Variants in CACNA1D observed in about 807,000 individuals in gnomAD.
CACNA1D encodes voltage-dependent L-type calcium channel subunit alpha-1D.
In CACNA1D, 55 loss-of-function variants were observed where a neutral mutation model predicts 257.1. The ratio of observed to expected loss-of-function variants is 0.21; its 90% CI spans 0.17 to 0.27. The LOEUF is 0.27. Ranked by LOEUF, CACNA1D falls within the 10% of genes least tolerant of loss-of-function variation. The pLI, the probability that CACNA1D is intolerant of heterozygous loss-of-function variation, is 1.00. For synonymous variants in CACNA1D, 980 were observed against 1,014.9 expected, an observed-to-expected ratio of 0.97 and a Z score of 0.65; for missense variants, 1,876 against 2,784.0, an observed-to-expected ratio of 0.67 and a Z score of 7.34.
At chr3:53,707,165 G>A (rs2094698896) in intron 9 of CACNA1D, among the ~76,000 whole-genome samples, 2 of 151,936 alleles carry the variant, frequency 1.3e-5, no homozygotes, top group South Asian at 4.2e-4. Context: ...TCTCTGATCT[G>A]CTAAATGTCA....
At chr3:53,692,460 A>T (rs2094537288) in intron 8 of CACNA1D, among the ~76,000 whole-genome samples, 1 of 152,144 alleles carries the variant, frequency 6.6e-6, no homozygotes, top group Non-Finnish European at 1.5e-5. Flanking sequence ...GGATGTCTAG[A>T]GTACACAGTT....
chr3:53,668,309 C>T (rs181982104), intron 7 of CACNA1D, among the ~76,000 whole-genome samples: 7 of 152,246 alleles, frequency 4.6e-5, no homozygotes, highest in Non-Finnish European at 8.8e-5. Context: ...TGTTGCCAAG[C>T]AAGTGTAAAA....
At chr3:53,624,948 A>G (rs1178440695) in intron 3 of CACNA1D, among the ~76,000 whole-genome samples, 1 of 152,190 alleles carries the variant, frequency 6.6e-6, no homozygotes, top group East Asian at 1.9e-4. Context: ...AGGCTGATTA[A>G]TTGCCACATT....
At position 53,574,760 on chromosome 3, in the gene CACNA1D, A is replaced by G. The variant is rs992151193; in HGVS notation, c.483+73040A>G. On this transcript the variant is annotated intron_variant, in intron 3 of 47. Coordinates refer to ENST00000350061, the MANE Select transcript of CACNA1D (RefSeq NM_001128840.3). ...GTGTTCTCACTCATATGCACTAATTACACACACACACCCAACCTGCAGGTT... is the reference window on the plus strand; with the variant it reads ...GTGTTCTCACTCATATGCACTAATTGCACACACACACCCAACCTGCAGGTT... 5.3e-5 allele frequency among the ~76,000 whole-genome samples: 8 copies of G among 151,502 alleles called. No individual in the cohort carries two copies. In the East Asian group the frequency reaches 1.6e-3, roughly 29 times the overall value.
chr3:53,642,416 G>A (rs1437237061), intron 3 of CACNA1D, among the ~76,000 whole-genome samples: 4 of 152,204 alleles, frequency 2.6e-5, no homozygotes, highest in Non-Finnish European at 5.9e-5. Flanking sequence ...CAATAACCTT[G>A]GCTGCATGCC....
At position 53,801,378 on chromosome 3, in the gene CACNA1D, T is replaced by C. The variant is rs2095534998; in HGVS notation, c.5361T>C (p.Ser1787=). The C allele has an allele frequency of 2.5e-6, 4 of 1,614,204 alleles. No homozygotes were observed. Among genetic ancestry groups the C allele is most frequent in the Non-Finnish European group, 3.4e-6 (4 of 1,180,042 alleles). ...ATGTGTCTGAAAATGGGCATCATTC[T>C]TCCCACAAGCATGACCGGGAGCCTC... ...LEHVSENGHH[S]SHKHDREPQR... Residue 1787 remains serine, a synonymous_variant, in exon 42 of 48, where the codon TCT becomes TCC. Transcript: ENST00000350061.
At chr3:53,505,138 A>AGGCTCTGT (rs951088382) in intron 3 of CACNA1D, among the ~76,000 whole-genome samples, 1 of 41,168 alleles carries the variant, frequency 2.4e-5, no homozygotes, top group Admixed American at 2.9e-4. Flanking sequence ...TTTTTTTTTG[A>AGGCTCTGT]GGCTCTGTTG....
intron 3 of CACNA1D, among the ~76,000 whole-genome samples, chr3:53,525,372 T>C (rs1391347914): frequency 6.6e-6 from 1 of 152,210 alleles, no homozygotes; most frequent in Non-Finnish European, 1.5e-5. Context: ...TATTAAGTGT[T>C]ACCTCCATTT....
At chr3:53,809,821 ATTC>A in intron 46 of CACNA1D, 154 bp from the exon 47 acceptor site, 1 of 715,262 alleles carries the variant, frequency 1.4e-6, no homozygotes, top group South Asian at 1.5e-5. Flanking sequence ...ATCACCGCCC[ATTC>A]ATTCAGCGTA....
intron 8 of CACNA1D, among the ~76,000 whole-genome samples, chr3:53,678,450 C>A (rs2094397046): frequency 2.0e-5 from 3 of 152,174 alleles, no homozygotes; most frequent in Admixed American, 2.0e-4. Flanking sequence ...AGTTCCAGAT[C>A]CTACCAGATC....
chr3:53,636,627 A>G (rs1273549272), intron 3 of CACNA1D, among the ~76,000 whole-genome samples: 2 of 152,212 alleles, frequency 1.3e-5, no homozygotes, highest in Admixed American at 1.3e-4. Context: ...ATACTCTTAT[A>G]TTCTGATATT....
intron 27 of CACNA1D, 52 bp downstream of exon 27, chr3:53,749,521 C>A: frequency 7.8e-7 from 1 of 1,289,714 alleles, no homozygotes; most frequent in Non-Finnish European, 1.1e-6. Flanking sequence ...GAGCGGAGTG[C>A]CTTCTTTATT....
intron 3 of CACNA1D, among the ~76,000 whole-genome samples, chr3:53,621,651 A>G (rs72970777): frequency 0.019 from 2,951 of 152,378 alleles, 98 homozygotes; most frequent in African/African-American, 0.067. Flanking sequence ...ACTTGTGTTC[A>G]TCAAAAGATG....
chr3:53,586,319 T>TGTGTGTGTGC (rs1491378698), intron 3 of CACNA1D, among the ~76,000 whole-genome samples: 51 of 150,028 alleles, frequency 3.4e-4, no homozygotes, highest in South Asian at 6.3e-4. Flanking sequence ...TGTGTGTGTG[T>TGTGTGTGTGC]GCATTCCTCC....
Position 53,800,742 on chromosome 3 carries a change from A to G in CACNA1D, c.5041-316A>G. 2.0e-6 allele frequency: 1 copy of G among 511,650 alleles called. No homozygotes were observed. Among genetic ancestry groups the G allele is most frequent in the African/African-American group, 1.9e-5 (1 of 52,160 alleles). 31.7% of individuals were successfully genotyped at this position (511,650 alleles called of 1,614,324 possible). On this transcript the variant is annotated intron_variant, in intron 41 of 47. Coordinates refer to ENST00000350061, the MANE Select transcript of CACNA1D (RefSeq NM_001128840.3). This position sits in a 1 kb window ranked among gnomAD's most constrained non-coding sequence, Gnocchi z 4.3. ...CTGTCAGTCCCCCAGCCCAGAGAGC[A>G]TGCCCAACCTTGGGGCCACCAGCCA...
chr3:53,647,136 G>T (rs1394047830), intron 3 of CACNA1D, among the ~76,000 whole-genome samples: 2 of 152,062 alleles, frequency 1.3e-5, no homozygotes, highest in Non-Finnish European at 2.9e-5. Flanking sequence ...GGGAGGGAGT[G>T]GGGGGACATC....
intron 24 of CACNA1D, 44 bp downstream of exon 24, chr3:53,745,775 T>C (rs1374674640): frequency 6.2e-7 from 1 of 1,604,628 alleles, no homozygotes; most frequent in African/African-American, 1.3e-5. Context: ...TGGATTTCTT[T>C]AAGGAGAAGC....
intron 3 of CACNA1D, among the ~76,000 whole-genome samples, chr3:53,645,031 A>G (rs961845643): frequency 2.0e-4 from 31 of 152,210 alleles, no homozygotes; most frequent in African/African-American, 7.5e-4. Flanking sequence ...ATGTGAGGTG[A>G]TGGCTCATTG....
intron 3 of CACNA1D, among the ~76,000 whole-genome samples, chr3:53,650,279 T>C (rs1458886659): frequency 1.3e-5 from 2 of 152,222 alleles, no homozygotes; most frequent in African/African-American, 4.8e-5. Flanking sequence ...CAAAGCTGAC[T>C]GTGACTTCGA....
Sources: gnomAD v4.1 joint callset for allele counts (sites outside exome capture counted in the v4.1 genomes callset) on GRCh38, gnomAD v4.1.1 for gene constraint, Gnocchi (gnomAD v3.1) non-coding constraint, MANE v1.5 for transcripts, NCBI Gene and HGNC (gene_info 2026-07-23, HGNC 2026-07-21) for gene names.